Variants in TGFBR3 observed in about 807,000 individuals in gnomAD.
TGFBR3 encodes the protein transforming growth factor beta receptor type 3.
TGFBR3 carries 46 observed loss-of-function variants against 87.9 expected under a neutral mutation model. The observed-to-expected ratio is 0.52, with a 90% CI of 0.41 to 0.67. The LOEUF (loss-of-function observed/expected upper bound fraction) is 0.67, where lower values mean the gene tolerates loss of function less well. TGFBR3 is among the 30% of genes least tolerant of loss of function. The probability of loss-of-function intolerance (pLI) is 0.00; values close to 1 mark genes in which losing one functional copy is unlikely to be tolerated. For missense variants in TGFBR3, 866 were observed against 1,041.9 expected (o/e 0.83, Z 2.32); for synonymous variants, 381 against 391.6 (o/e 0.97, Z 0.32).
At chr1:91,806,949 C>G (rs780619682) in intron 2 of TGFBR3, among the ~76,000 whole-genome samples, 15 of 152,172 alleles carry the variant, frequency 9.9e-5, no homozygotes, top group Admixed American at 2.0e-4. Flanking sequence ...GATTTCTCAG[C>G]CAATAGCACT....
intron 1 of TGFBR3, among the ~76,000 whole-genome samples, chr1:91,875,127 A>G (rs1192524): frequency 0.73 from 111,387 of 152,028 alleles, 41,228 homozygotes; most frequent in African/African-American, 0.85. Context: ...ACACACCTAG[A>G]ATACCAAGAT....
intron 2 of TGFBR3, among the ~76,000 whole-genome samples, chr1:91,835,977 G>A (rs1035708931): frequency 3.9e-5 from 6 of 152,026 alleles, no homozygotes; most frequent in South Asian, 2.1e-4. Context: ...GATGTCGGCC[G>A]TGGTTCATGC....
intron 14 of TGFBR3, among the ~76,000 whole-genome samples, chr1:91,703,456 T>C (rs888320455): frequency 1.3e-5 from 2 of 152,160 alleles, no homozygotes; most frequent in African/African-American, 2.4e-5. Flanking sequence ...ACGGAGAAAA[T>C]TCAGTATCTC....
intron 2 of TGFBR3, among the ~76,000 whole-genome samples, chr1:91,845,057 C>G (rs1677420351): frequency 1.3e-5 from 2 of 152,210 alleles, no homozygotes; most frequent in Non-Finnish European, 2.9e-5. Context: ...ATAAATTCCT[C>G]AACCAGTGCA....
At chr1:91,775,860 C>T (rs1333240632) in intron 3 of TGFBR3, among the ~76,000 whole-genome samples, 1 of 152,208 alleles carries the variant, frequency 6.6e-6, no homozygotes, top group Non-Finnish European at 1.5e-5. Context: ...ATTCATTTTC[C>T]AAGATTCCTT....
chr1:91,686,513 C>T (rs1671094574), intron 16 of TGFBR3, among the ~76,000 whole-genome samples: 1 of 152,206 alleles, frequency 6.6e-6, no homozygotes, highest in Non-Finnish European at 1.5e-5. Flanking sequence ...CTCTTCAGAC[C>T]ATCCTTTCCA....
intron 3 of TGFBR3, among the ~76,000 whole-genome samples, chr1:91,772,488 T>C (rs548284872): frequency 6.6e-6 from 1 of 152,312 alleles, no homozygotes; most frequent in African/African-American, 2.4e-5. Context: ...CCCCAGGTCA[T>C]AGTCCCTCAA....
Position 91,702,438 on chromosome 1 carries a change from A to C in TGFBR3, c.2288-4308T>G, listed in dbSNP as rs374552975. Among the ~76,000 whole-genome samples the C allele has an allele frequency of 2.6e-4, 39 of 151,244 alleles. 1 individual carries two copies. The highest frequency in any genetic ancestry group is 9.0e-4 in the African/African-American group (37 of 41,198). On this transcript the variant is annotated intron_variant, in intron 14 of 16. Transcript: ENST00000212355. ...GAGACGGGCGGATCACAAGGTCAGG[A>C]GATCAAGACCATCCTGGCTAACACT... is the stretch of plus-strand genomic sequence containing the variant.
chr1:91,763,098 T>C (rs1674033617), intron 3 of TGFBR3, among the ~76,000 whole-genome samples: 1 of 152,216 alleles, frequency 6.6e-6, no homozygotes, highest in Admixed American at 6.5e-5. Flanking sequence ...GATTACTTTA[T>C]GAAAATGAAT....
At chr1:91,791,952 C>A (rs1031514745) in intron 3 of TGFBR3, among the ~76,000 whole-genome samples, 4 of 152,188 alleles carry the variant, frequency 2.6e-5, no homozygotes, top group Non-Finnish European at 5.9e-5. Flanking sequence ...GCAAGTCGAG[C>A]AGTTAGCACT....
At position 91,844,647 on chromosome 1, in the gene TGFBR3, G is replaced by C. The variant is rs181520717; in HGVS notation, c.61+16824C>G. 3.9e-3 allele frequency among the ~76,000 whole-genome samples: 591 copies of C among 152,180 alleles called. 1 individual carries two copies. The highest frequency in any genetic ancestry group is 6.3e-3 in the Non-Finnish European group (431 of 67,988). The stretch of plus-strand genomic sequence containing the variant: ...TTATTTTAGAATAACCTTGAATTTA[G>C]TTTTATCTTTTTGAGGAAAATCATT... On this transcript the variant is annotated intron_variant, in intron 2 of 16. Transcript: ENST00000212355.
intron 1 of TGFBR3, among the ~76,000 whole-genome samples, chr1:91,880,831 T>G (rs1679055072): frequency 1.3e-5 from 2 of 150,858 alleles, no homozygotes. Flanking sequence ...CGAGGCAACA[T>G]AGTAAGACTC....
At chr1:91,797,529 A>T in intron 2 of TGFBR3, 58 bp from the exon 3 acceptor site, 1 of 1,591,230 alleles carries the variant, frequency 6.3e-7, no homozygotes, top group Non-Finnish European at 8.6e-7. Flanking sequence ...TCTGCCCCAA[A>T]GGGGCAAGGG....
intron 3 of TGFBR3, among the ~76,000 whole-genome samples, chr1:91,785,382 G>A (rs887139393): frequency 6.6e-6 from 1 of 152,200 alleles, no homozygotes; most frequent in Non-Finnish European, 1.5e-5. Context: ...TTTCTTCTTA[G>A]GGTGATGGAA....
intron 2 of TGFBR3, among the ~76,000 whole-genome samples, chr1:91,843,605 T>C (rs1040742479): frequency 1.3e-5 from 2 of 152,226 alleles, no homozygotes; most frequent in African/African-American, 4.8e-5. Context: ...CGTGATCCTC[T>C]GGTTTATATG....
chr1:91,812,350 A>G (rs1036000315), intron 2 of TGFBR3, among the ~76,000 whole-genome samples: 2 of 152,144 alleles, frequency 1.3e-5, no homozygotes, highest in African/African-American at 4.8e-5. Flanking sequence ...ACATAAGCAA[A>G]TTATCCAAAT....
At chr1:91,894,187 C>T (rs771577698) in intron 2 of TGFBR3, among the ~76,000 whole-genome samples, 3 of 152,174 alleles carry the variant, frequency 2.0e-5, no homozygotes, top group Non-Finnish European at 4.4e-5. Flanking sequence ...CTCTGCTCTG[C>T]TTTCTCTCGT....
Position 91,886,095 on chromosome 1 carries a change from C to A in TGFBR3, c.-331G>T, listed in dbSNP as rs1479026700. ...CGGGGCGCGAGAGCCGCCGACTGCC[C>A]TCCTTCACTCGCTGGGAAGAGGAAA... On this transcript the variant is annotated 5_prime_UTR_variant, in exon 1 of 17. In the 5' UTR this introduces an upstream ATG that the reference lacks. Transcript: ENST00000212355. 2.2e-6 allele frequency: 1 copy of A among 454,130 alleles called. No homozygotes were observed. The highest frequency in any genetic ancestry group is 2.3e-5 in the Admixed American group (1 of 42,578). The allele number at this position is 454,130 out of a possible 1,614,324, so 28.1% of individuals were successfully genotyped here.
intron 2 of TGFBR3, among the ~76,000 whole-genome samples, chr1:91,820,499 C>T (rs1402782354): frequency 2.0e-5 from 3 of 152,032 alleles, no homozygotes; most frequent in Non-Finnish European, 2.9e-5. Context: ...CTGGCTAACA[C>T]GTTGAAACCC....
Sources: allele counts gnomAD v4.1 joint callset (sites outside exome capture counted in the v4.1 genomes callset), GRCh38; gene constraint gnomAD v4.1.1; transcripts MANE v1.5; gene names NCBI Gene and HGNC (gene_info 2026-07-23, HGNC 2026-07-21).